The following GABRG3 variants were observed in gnomAD, a reference collection of about 807,000 sequenced individuals.
The protein encoded by GABRG3 is gamma-aminobutyric acid receptor subunit gamma-3.
Under a neutral mutation model 48.8 loss-of-function variants are expected in GABRG3, and 25 were observed. The ratio of observed to expected loss-of-function variants is 0.51; its 90% CI spans 0.37 to 0.72. GABRG3 has a LOEUF of 0.72. GABRG3 is among the 30% of genes least tolerant of loss of function. GABRG3 has a pLI of 0.00. For synonymous variants in GABRG3, 227 were observed against 217.6 expected (o/e 1.04, Z -0.38); for missense variants, 394 against 577.9 (o/e 0.68, Z 3.26).
intron 3 of GABRG3, chr15:27,161,152 C>T (rs1258993882): frequency 6.6e-6 from 1 of 152,088 alleles, no homozygotes; most frequent in East Asian, 1.9e-4. Context: ...CTTAGAGATA[C>T]GTGGAACCTC....
chr15:27,398,003 A>G (rs1393201301), intron 5 of GABRG3, among the ~76,000 whole-genome samples: 1 of 151,742 alleles, frequency 6.6e-6, no homozygotes, highest in African/African-American at 2.4e-5. Context: ...ATGGGGTTTC[A>G]CCGTGTTAGC....
intron 3 of GABRG3, among the ~76,000 whole-genome samples, chr15:27,071,425 T>C (rs1319291553): frequency 1.3e-5 from 2 of 152,234 alleles, no homozygotes; most frequent in Non-Finnish European, 2.9e-5. Context: ...ACCTGCTTTG[T>C]TGCTTTTGCT....
chr15:27,177,303 T>C (rs1285020103), intron 3 of GABRG3, among the ~76,000 whole-genome samples: 2 of 152,176 alleles, frequency 1.3e-5, no homozygotes, highest in Middle Eastern at 3.2e-3. Flanking sequence ...AGTCTTAGGT[T>C]TTACGATAGT....
chr15:27,281,636 A>T (rs974337883), intron 3 of GABRG3, among the ~76,000 whole-genome samples: 1 of 151,550 alleles, frequency 6.6e-6, no homozygotes, highest in African/African-American at 2.4e-5. Context: ...TACTTTTCCT[A>T]CTTTGATTTA....
intron 5 of GABRG3, among the ~76,000 whole-genome samples, chr15:27,344,808 A>G (rs978487927): frequency 6.6e-6 from 1 of 152,094 alleles, no homozygotes; most frequent in Non-Finnish European, 1.5e-5. Context: ...CTCTAAGTAT[A>G]ACAGTGGATA....
intron 3 of GABRG3, among the ~76,000 whole-genome samples, chr15:27,272,470 T>C (rs986000139): frequency 2.0e-5 from 3 of 152,344 alleles, no homozygotes; most frequent in Non-Finnish European, 4.4e-5. Context: ...TGTAACAGTA[T>C]AGTACAGTGG....
chr15:27,521,343 A>G (rs543875872), intron 7 of GABRG3, among the ~76,000 whole-genome samples: 73 of 152,284 alleles, frequency 4.8e-4, no homozygotes, highest in African/African-American at 1.7e-3. Flanking sequence ...GACGTCCTTT[A>G]ATGAAGCTTG....
At chr15:27,283,766 A>C (rs1269298560) in intron 3 of GABRG3, among the ~76,000 whole-genome samples, 3 of 152,148 alleles carry the variant, frequency 2.0e-5, no homozygotes, top group Non-Finnish European at 4.4e-5. Flanking sequence ...AATTCAGGAG[A>C]CTCACAGCCA....
intron 2 of GABRG3, among the ~76,000 whole-genome samples, chr15:27,016,534 A>G (rs999679280): frequency 1.3e-5 from 2 of 151,870 alleles, no homozygotes; most frequent in African/African-American, 2.4e-5. Context: ...CAAGATTCTC[A>G]TTGTCTGTGA....
At chr15:27,115,280 G>A (rs553033460) in intron 3 of GABRG3, among the ~76,000 whole-genome samples, 1 of 152,048 alleles carries the variant, frequency 6.6e-6, no homozygotes, top group Non-Finnish European at 1.5e-5. Flanking sequence ...GAATATCCAC[G>A]GCAGTTAAAG....
Position 27,525,354 on chromosome 15 carries a change from T to G in GABRG3, c.866-2079T>G, listed in dbSNP as rs141038130. ...AGAATCATCCCCAAAGCATCCTATA[T>G]GTACTAGACTCAGCTGAGATAACCT... is the stretch of plus-strand genomic sequence containing the variant. On this transcript the variant is annotated intron_variant, in intron 7 of 9. Transcript: ENST00000615808. Among the ~76,000 whole-genome samples, 26 of 152,338 alleles carry G rather than the reference T, an allele frequency of 1.7e-4. No homozygotes were observed. In the East Asian group the frequency reaches 3.3e-3, roughly 19 times the overall value.
At chr15:27,253,216 A>G (rs1167433614) in intron 3 of GABRG3, among the ~76,000 whole-genome samples, 2 of 152,210 alleles carry the variant, frequency 1.3e-5, no homozygotes, top group African/African-American at 2.4e-5. Context: ...GACGCATCAA[A>G]TCATAGGCCC....
chr15:27,016,102 T>TA, intron 2 of GABRG3, among the ~76,000 whole-genome samples: 1 of 152,262 alleles, frequency 6.6e-6, no homozygotes, highest in East Asian at 1.9e-4. Context: ...TTTATATATT[T>TA]ATATGGCTTA....
chr15:27,185,031 A>T (rs1888048928), intron 3 of GABRG3, among the ~76,000 whole-genome samples: 1 of 151,438 alleles, frequency 6.6e-6, no homozygotes, highest in African/African-American at 2.4e-5. Flanking sequence ...TTTCAGTTTC[A>T]TTAATTTTTG....
At chr15:27,106,516 A>G (rs1897452360) in intron 3 of GABRG3, among the ~76,000 whole-genome samples, 1 of 152,054 alleles carries the variant, frequency 6.6e-6, no homozygotes, top group South Asian at 2.1e-4. Flanking sequence ...TTTTTAACTT[A>G]CAGAAAATAG....
At chr15:27,370,449 T>G (rs958302461) in intron 5 of GABRG3, among the ~76,000 whole-genome samples, 1 of 152,178 alleles carries the variant, frequency 6.6e-6, no homozygotes, top group Non-Finnish European at 1.5e-5. Context: ...GCTGCCAGTC[T>G]CCTACCTGTT....
intron 2 of GABRG3, among the ~76,000 whole-genome samples, chr15:27,011,945 CTT>C (rs1173074498): frequency 1.3e-5 from 2 of 151,940 alleles, no homozygotes; most frequent in South Asian, 2.1e-4. Flanking sequence ...CATATAGACT[CTT>C]AACACATTTT....
At chr15:27,030,186 G>A (rs7168179) in intron 3 of GABRG3, among the ~76,000 whole-genome samples, 29,514 of 152,090 alleles carry the variant, frequency 0.19, 3,092 homozygotes, top group Non-Finnish European at 0.21. Context: ...TGTATTGGGG[G>A]TTTGACCGTA....
At chr15:27,364,731 G>T (rs1213758485) in intron 5 of GABRG3, 4 of 152,126 alleles carry the variant, frequency 2.6e-5, no homozygotes, top group Admixed American at 2.6e-4. Context: ...AAAAAGATTT[G>T]TATAACCTGG....
Sources: gnomAD v4.1 joint callset for allele counts (sites outside exome capture counted in the v4.1 genomes callset) on GRCh38, gnomAD v4.1.1 for gene constraint, MANE v1.5 for transcripts, NCBI Gene and HGNC (gene_info 2026-07-23, HGNC 2026-07-21) for gene names.